Variants in BBX observed in about 807,000 individuals in gnomAD.
BBX encodes BBX high mobility group box domain containing, also known as HMG box transcription factor BBX.
BBX carries 30 observed loss-of-function variants against 100.2 expected under a neutral mutation model. That is an observed-to-expected ratio of 0.30 (90% CI 0.22 to 0.41). BBX has a LOEUF of 0.41. BBX is among the 10% of genes least tolerant of loss of function. BBX has a pLI of 1.00. For missense variants in BBX, 1,023 were observed against 1,129.8 expected, an observed-to-expected ratio of 0.91 and a Z score of 1.35; for synonymous variants, 376 against 388.1, an observed-to-expected ratio of 0.97 and a Z score of 0.37.
chr3:107,528,495 C>G (rs920560550), intron 2 of BBX, among the ~76,000 whole-genome samples: 7 of 152,094 alleles, frequency 4.6e-5, no homozygotes, highest in African/African-American at 1.2e-4. Flanking sequence ...GAAAATGTAT[C>G]TTGATCTTCG....
In BBX at chr3:107,744,622, T is replaced by C. The variant is rs760956546; in HGVS notation, c.670-8T>C. The C allele has an allele frequency of 1.9e-6, 3 of 1,608,786 alleles. No homozygotes were observed. Among genetic ancestry groups the C allele is most frequent in the Admixed American group, 3.3e-5 (2 of 59,980 alleles). On this transcript the variant is annotated splice_polypyrimidine_tract_variant and splice_region_variant and intron_variant, in intron 7 of 17. Transcript: ENST00000325805. Reference sequence around the variant, plus strand: ...CAAAAGAAAATATGATATCTTTCTTTGTTTCAGGTATCCTCTGGCACATGC... The same window carrying C: ...CAAAAGAAAATATGATATCTTTCTTCGTTTCAGGTATCCTCTGGCACATGC...
At chr3:107,803,699 A>G (rs1447988401) in intron 17 of BBX, among the ~76,000 whole-genome samples, 3 of 152,174 alleles carry the variant, frequency 2.0e-5, no homozygotes, top group Non-Finnish European at 4.4e-5. Context: ...CACACAGCCA[A>G]TTTGTGCCCA....
chr3:107,796,469 A>G (rs150558472), intron 15 of BBX, among the ~76,000 whole-genome samples: 21 of 152,332 alleles, frequency 1.4e-4, no homozygotes, highest in Admixed American at 5.2e-4. Flanking sequence ...TGGTGATTCT[A>G]TTGGAGAGGT....
intron 2 of BBX, among the ~76,000 whole-genome samples, chr3:107,588,108 C>G (rs2053004138): frequency 6.6e-6 from 1 of 152,102 alleles, no homozygotes; most frequent in Non-Finnish European, 1.5e-5. Flanking sequence ...TTATTATTCT[C>G]TTTTCTATCC....
At chr3:107,557,473 C>A (rs2050167372) in intron 2 of BBX, among the ~76,000 whole-genome samples, 1 of 152,152 alleles carries the variant, frequency 6.6e-6, no homozygotes, top group African/African-American at 2.4e-5. Context: ...TCAAATCAAA[C>A]CCTAGATCTA....
At position 107,773,621 on chromosome 3, in the gene BBX, G is replaced by A. The variant is rs1399741855; in HGVS notation, c.1900G>A (p.Ala634Thr). 5.0e-6 allele frequency: 8 copies of A among 1,609,360 alleles called. No homozygotes were observed. Among genetic ancestry groups the A allele is most frequent in the Non-Finnish European group, 6.8e-6 (8 of 1,178,424 alleles). ...TGAGGGCATGCTCACCTCTCTGCGA[G>A]CTAATGTTGACAGAGGTAAGTAACT... ...VSEGMLTSLR[A>T]NVDRGKRSSG... Residue 634 changes from alanine to threonine, a missense_variant, in exon 11 of 18, where the codon GCT becomes ACT. Physicochemically the swap from Ala to Thr is moderately conservative, Grantham distance 58 (BLOSUM62 0). Around this residue, in one of 9 missense-constraint regions of BBX, gnomAD observed 215 missense variants for 211.3 expected, o/e 1.02. Coordinates refer to ENST00000325805, the MANE Select transcript of BBX (RefSeq NM_001142568.3). The surrounding 1 kb of genome is among the most constrained non-coding windows in gnomAD (Gnocchi z 4.1).
rs769949164 is a variant in BBX at position 107,801,249 on chromosome 3, G to A, written c.2706G>A (p.Leu902=). The change falls in exon 17 of 18, where the codon CTG becomes CTA. Residue 902 remains leucine, a synonymous_variant. Coordinates refer to ENST00000325805, the MANE Select transcript of BBX (RefSeq NM_001142568.3). ...AVSAFFSLAA[L]AEVAAMENVH... is the part of the protein sequence containing the mutation. The stretch of plus-strand genomic sequence containing the variant: ...CTGCGTTCTTTAGCCTCGCTGCGCT[G>A]GCTGAAGTGGCAGCCATGGAAAATG... The A allele has an allele frequency of 1.1e-5, 18 of 1,614,000 alleles. No homozygotes were observed. The highest frequency in any genetic ancestry group is 1.4e-5 in the Non-Finnish European group (16 of 1,180,014).
chr3:107,763,405 G>T (rs1037552121), intron 10 of BBX, among the ~76,000 whole-genome samples: 1 of 151,892 alleles, frequency 6.6e-6, no homozygotes, highest in African/African-American at 2.4e-5. Context: ...ATTTTATTAC[G>T]TCTTTTAAAG....
chr3:107,690,051 A>G (rs549315359), intron 3 of BBX, among the ~76,000 whole-genome samples: 15 of 152,322 alleles, frequency 9.8e-5, no homozygotes, highest in African/African-American at 3.6e-4. Flanking sequence ...AAGGTAGCCT[A>G]GGGTTTTTTA....
chr3:107,805,711 C>G lies in BBX; in HGVS notation c.*254C>G, dbSNP rs1354442176. Reference sequence around the variant, plus strand: ...CAGAATGATCCTGGAGCTTTGCTTTCTATTGAAGGCTTTTGACGGTAATAG... The same window carrying G: ...CAGAATGATCCTGGAGCTTTGCTTTGTATTGAAGGCTTTTGACGGTAATAG... On this transcript the variant is annotated 3_prime_UTR_variant, in exon 18 of 18. Coordinates refer to ENST00000325805, the MANE Select transcript of BBX (RefSeq NM_001142568.3). 1.8e-6 allele frequency: 1 copy of G among 560,482 alleles called. No homozygotes were observed. The highest frequency in any genetic ancestry group is 1.9e-5 in the African/African-American group (1 of 53,600). 34.7% of individuals were successfully genotyped at this position (560,482 alleles called of 1,614,324 possible).
At chr3:107,751,512 C>A (rs987672089) in intron 9 of BBX, among the ~76,000 whole-genome samples, 13 of 151,940 alleles carry the variant, frequency 8.6e-5, no homozygotes, top group African/African-American at 4.8e-5. Context: ...TTCTTTAAGT[C>A]GAAAATGTTT....
At chr3:107,750,060 C>T (rs570493473) in intron 9 of BBX, among the ~76,000 whole-genome samples, 30 of 152,276 alleles carry the variant, frequency 2.0e-4, no homozygotes, top group African/African-American at 7.0e-4. Context: ...GATGAGATCC[C>T]ATGCCTTTCA....
intron 13 of BBX, among the ~76,000 whole-genome samples, chr3:107,779,020 T>TACAC (rs66512735): frequency 1.0e-5 from 1 of 95,812 alleles, no homozygotes; most frequent in African/African-American, 4.1e-5. Context: ...TATATATATA[T>TACAC]ACACACACAC....
In BBX at chr3:107,759,097, G is replaced by A. The variant is rs148187632; in HGVS notation, c.906+3419G>A. Among the ~76,000 whole-genome samples, 64 of 152,302 alleles carry A rather than the reference G, an allele frequency of 4.2e-4. No individual in the cohort carries two copies. In the East Asian group the frequency reaches 7.1e-3, roughly 17 times the overall value. ...AAACAAAAAAAACTGGGGGAAATTGGCAGCAGGCACAGAGATACTTGGATT... is the reference window on the plus strand; with the variant it reads ...AAACAAAAAAAACTGGGGGAAATTGACAGCAGGCACAGAGATACTTGGATT... On this transcript the variant is annotated intron_variant, in intron 10 of 17. Transcript: ENST00000325805.
chr3:107,617,521 T>C (rs2055386578), intron 2 of BBX, among the ~76,000 whole-genome samples: 1 of 152,162 alleles, frequency 6.6e-6, no homozygotes, highest in East Asian at 1.9e-4. Context: ...GTATGTCTCT[T>C]CAGTTACTGA....
At chr3:107,682,319 A>G (rs1452089558) in intron 3 of BBX, among the ~76,000 whole-genome samples, 1 of 152,162 alleles carries the variant, frequency 6.6e-6, no homozygotes, top group Non-Finnish European at 1.5e-5. Context: ...GTTATTTCTA[A>G]GACAGTTCAC....
chr3:107,661,578 A>G (rs2058445969), intron 3 of BBX, among the ~76,000 whole-genome samples: 2 of 152,196 alleles, frequency 1.3e-5, no homozygotes, highest in Admixed American at 1.3e-4. Flanking sequence ...ACGGTATCAC[A>G]GATTTAGTAA....
intron 2 of BBX, among the ~76,000 whole-genome samples, chr3:107,635,100 T>C (rs2056772681): frequency 6.6e-6 from 1 of 151,490 alleles, no homozygotes; most frequent in Admixed American, 6.6e-5. Context: ...AACTCTTGGG[T>C]TCCTTGTGAC....
chr3:107,526,931 A>C (rs1190755502), intron 2 of BBX, among the ~76,000 whole-genome samples: 2 of 152,178 alleles, frequency 1.3e-5, no homozygotes. Context: ...TAGTGCACTA[A>C]TTTGATTCAA....
Sources: gnomAD v4.1 joint callset for allele counts (sites outside exome capture counted in the v4.1 genomes callset) on GRCh38, gnomAD v4.1.1 for gene constraint, gnomAD v4.1.1 regional missense constraint, Gnocchi (gnomAD v3.1) non-coding constraint, MANE v1.5 for transcripts, NCBI Gene and HGNC (gene_info 2026-07-23, HGNC 2026-07-21) for gene names.